The following KDR variants were observed in gnomAD, a reference collection of about 807,000 sequenced individuals.
KDR encodes kinase insert domain receptor, also known as vascular endothelial growth factor receptor 2.
KDR carries 43 observed loss-of-function variants against 160.9 expected under a neutral mutation model. The ratio of observed to expected loss-of-function variants is 0.27; its 90% CI spans 0.21 to 0.34. KDR has a LOEUF of 0.34. KDR is among the 10% of genes least tolerant of loss of function. The pLI is 1.00. For missense variants in KDR, 1,469 were observed against 1,666.4 expected, an observed-to-expected ratio of 0.88 and a Z score of 2.06; for synonymous variants, 617 against 600.1, an observed-to-expected ratio of 1.03 and a Z score of -0.41.
At chr4:55,094,717 C>T in intron 21 of KDR, 85 bp downstream of exon 21, 1 of 1,300,188 alleles carries the variant, frequency 7.7e-7, no homozygotes. Flanking sequence ...GGACTTTTCC[C>T]ATGATCAAAT....
At chr4:55,093,909 T>G (rs998645733) in intron 21 of KDR, among the ~76,000 whole-genome samples, 2 of 152,046 alleles carry the variant, frequency 1.3e-5, no homozygotes, top group African/African-American at 4.8e-5. Flanking sequence ...AGCACTAAAA[T>G]ATCACTCAGG....
chr4:55,087,493 T>C, intron 27 of KDR, 114 bp downstream of exon 27: 4 of 911,022 alleles, frequency 4.4e-6, no homozygotes, highest in Non-Finnish European at 6.9e-6. Flanking sequence ...GCTAAGGTTA[T>C]GTGGAAGTGG....
intron 9 of KDR, among the ~76,000 whole-genome samples, chr4:55,109,909 A>G (rs1720534341): frequency 1.3e-5 from 2 of 152,216 alleles, no homozygotes; most frequent in Admixed American, 6.5e-5. Flanking sequence ...CAAAAAGGAA[A>G]AAAGAAAAGC....
intron 9 of KDR, 44 bp downstream of exon 9, chr4:55,110,359 A>T (rs1309189287): frequency 6.3e-7 from 1 of 1,591,370 alleles, no homozygotes; most frequent in Admixed American, 1.7e-5. Flanking sequence ...AAGACAATGT[A>T]TCATAATAAA....
In KDR at chr4:55,080,259, C is replaced by T. The variant is rs557882167; in HGVS notation, c.3849-96G>A. 180 of 1,064,734 alleles carry T rather than the reference C, an allele frequency of 1.7e-4. No homozygotes were observed. In the African/African-American group the frequency reaches 2.5e-3, roughly 15 times the overall value. The allele number at this position is 1,064,734 out of a possible 1,614,324, so 66.0% of individuals were successfully genotyped here. ...ATTCCCAACTCCATATGGCTGCCAT[C>T]TCCCTGGAGACCGCAGCCCCGTATC... On this transcript the variant is annotated intron_variant, in intron 29 of 29. Transcript: ENST00000263923.
intron 3 of KDR, among the ~76,000 whole-genome samples, chr4:55,116,290 C>T (rs1365669391): frequency 6.6e-6 from 1 of 151,936 alleles, no homozygotes; most frequent in Admixed American, 6.6e-5. Context: ...TGATGGCACG[C>T]ACCTGTAGTC....
chr4:55,119,411 A>G (rs1720811666), intron 2 of KDR, among the ~76,000 whole-genome samples: 1 of 152,246 alleles, frequency 6.6e-6, no homozygotes, highest in South Asian at 2.1e-4. Context: ...AAATCAGACA[A>G]AAATCAATGC....
Position 55,118,586 on chromosome 4 carries a change from T to A in KDR, c.358+18A>T, listed in dbSNP as rs1720789234. 8 of 1,600,216 alleles carry A rather than the reference T, an allele frequency of 5.0e-6. No homozygotes were observed. Among genetic ancestry groups the A allele is most frequent in the Non-Finnish European group, 6.0e-6 (7 of 1,167,274 alleles). On this transcript the variant is annotated intron_variant, in intron 3 of 29. Coordinates refer to ENST00000263923, the MANE Select transcript of KDR (RefSeq NM_002253.4). Reference sequence around the variant, plus strand: ...CTGGTAAAGAGACGTGGGAAATGAATTTTATTTCACCACTTACCTTGAACA... The same window carrying A: ...CTGGTAAAGAGACGTGGGAAATGAAATTTATTTCACCACTTACCTTGAACA...
At chr4:55,092,555 G>T in intron 22 of KDR, 62 bp downstream of exon 22, 1 of 1,163,394 alleles carries the variant, frequency 8.6e-7, no homozygotes, top group Non-Finnish European at 1.3e-6. Flanking sequence ...GCTGACACTG[G>T]ACATCTTATT....
rs2110005867 is a variant in KDR at position 55,082,578 on chromosome 4, T to C, written c.3720A>G (p.Glu1240=). The change falls in exon 28 of 30, where the codon GAA becomes GAG. Residue 1240 remains glutamate, a synonymous_variant. Transcript: ENST00000263923. Reference sequence around the variant, plus strand: ...CTTCTGGTTCTTCTAACGGGATATCTTCAAATGTTTTTACACTCACAGGCC... The same window carrying C: ...CTTCTGGTTCTTCTAACGGGATATCCTCAAATGTTTTTACACTCACAGGCC... ...KSRPVSVKTF[E]DIPLEEPEVK... The C allele has an allele frequency of 1.2e-6, 2 of 1,613,974 alleles. No individual in the cohort carries two copies.
rs41449845 is a variant in KDR at position 55,121,056 on chromosome 4, T to G, written c.161+41A>C. 3.6e-3 allele frequency: 4,815 copies of G among 1,333,962 alleles called. 124 individuals carry two copies. The African/African-American group carries it at 0.057, about 16-fold the overall frequency. The allele number at this position is 1,333,962 out of a possible 1,614,324, so 82.6% of individuals were successfully genotyped here. On this transcript the variant is annotated intron_variant, in intron 2 of 29. Coordinates refer to ENST00000263923, the MANE Select transcript of KDR (RefSeq NM_002253.4). ...TTATTTCCACTCAATAAACAATCAG[T>G]TACTTAACACAAGAAATCTAGATCT...
At position 55,089,754 on chromosome 4, in the gene KDR, C is replaced by G. The variant is rs547143040; in HGVS notation, c.3241G>C (p.Val1081Leu). The G allele has an allele frequency of 3.7e-5, 60 of 1,614,176 alleles. No homozygotes were observed. In the South Asian group the frequency reaches 6.4e-4, roughly 17 times the overall value. The change falls in exon 24 of 30, where the codon GTG becomes CTG. Residue 1081 changes from valine (V) to leucine (L), a missense_variant. Val to Leu is a conservative substitution (Grantham distance 32). Coordinates refer to ENST00000263923, the MANE Select transcript of KDR (RefSeq NM_002253.4). ...WMAPETIFDR[V>L]YTIQSDVWSF... ...CAGACGTCACTCTGGATTGTGTACACTCTGTCAAAAATTGTTTCTGGGGCC... is the reference window on the plus strand; with the variant it reads ...CAGACGTCACTCTGGATTGTGTACAGTCTGTCAAAAATTGTTTCTGGGGCC...
intron 7 of KDR, 86 bp downstream of exon 7, chr4:55,113,218 C>A: frequency 7.1e-7 from 1 of 1,403,140 alleles, no homozygotes; most frequent in Admixed American, 1.7e-5. Flanking sequence ...TCTGAATGAA[C>A]AAAATAGGAA....
intron 26 of KDR, 122 bp from the exon 27 acceptor site, chr4:55,087,880 A>G: frequency 1.1e-6 from 1 of 877,604 alleles, no homozygotes; most frequent in Non-Finnish European, 1.9e-6. Flanking sequence ...ATATCTGAAC[A>G]TAGAACTTTA....
rs543201337 is a variant in KDR, at chr4:55,106,471, A to G, written c.1536+216T>C. 2.6e-5 allele frequency among the ~76,000 whole-genome samples: 4 copies of G among 152,328 alleles called. No homozygotes were observed. The East Asian group carries it at 7.7e-4, about 29-fold the overall frequency. On this transcript the variant is annotated intron_variant, in intron 11 of 29. Transcript: ENST00000263923. The stretch of plus-strand genomic sequence containing the variant: ...TCAGAATCACCCTACACAGATGCAT[A>G]GATTTAATGTCATAGATGTTTTTAT...
Position 55,105,941 on chromosome 4 carries a change from C to T in KDR, c.1537-1G>A. 6.2e-7 allele frequency: 1 copy of T among 1,603,204 alleles called. No homozygotes were observed. Among genetic ancestry groups the T allele is most frequent in the Non-Finnish European group, 8.5e-7 (1 of 1,170,218 alleles). ...CTTGGATAACAAGGGTACTTACAGT[C>T]TGTGCGGGGAAAAAACAAATCCCAG... is the stretch of plus-strand genomic sequence containing the variant. On this transcript the variant is annotated splice_acceptor_variant, in intron 11 of 29. Transcript: ENST00000263923. LOFTEE classifies it high-confidence loss of function.
chr4:55,104,679 T>G lies in KDR; in HGVS notation c.1951A>C (p.Lys651Gln). The G allele has an allele frequency of 1.9e-6, 3 of 1,613,782 alleles. No individual in the cohort carries two copies. The highest frequency in any genetic ancestry group is 2.5e-6 in the Non-Finnish European group (3 of 1,179,812). The change falls in exon 13 of 30, where the codon AAA becomes CAA. Residue 651 changes from lysine (K) to glutamine (Q), a missense_variant. By Grantham distance (53) the Lys-to-Gln change is moderately conservative. This residue lies in a region of KDR where 792 missense variants were observed against 840.9 expected (regional missense o/e 0.94). Coordinates refer to ENST00000263923, the MANE Select transcript of KDR (RefSeq NM_002253.4). ...AGCTGCCTGACCACGCAATGTCTTT[T>G]CTTGGTCTTCCTGTCTTGAGCAAGG... ...VCLAQDRKTK[K>Q]RHCVVRQLTV...
chr4:55,087,179 T>C (rs1360933800), intron 27 of KDR, among the ~76,000 whole-genome samples: 1 of 152,222 alleles, frequency 6.6e-6, no homozygotes, highest in Non-Finnish European at 1.5e-5. Context: ...GCTTTCTGTA[T>C]CCTTGCCAGA....
rs763179429 is a variant in KDR, at chr4:55,080,074, T to C, written c.3938A>G (p.Asp1313Gly). ...ACTGGAGTACACGGTGGTGTCTGTG[T>C]CATCGGAGTGATATCCGGACTGGTA... ...SGYQSGYHSD[D>G]TDTTVYSSEE... Residue 1313 changes from aspartate to glycine, a missense_variant, in exon 30 of 30, where the codon GAC (aspartate) becomes GGC (glycine). By Grantham distance (94) the Asp-to-Gly change is moderately conservative (BLOSUM62 -1). Coordinates refer to ENST00000263923, the MANE Select transcript of KDR (RefSeq NM_002253.4). 1.4e-5 allele frequency: 22 copies of C among 1,614,084 alleles called. No individual in the cohort carries two copies. The highest frequency in any genetic ancestry group is 1.9e-5 in the Non-Finnish European group (22 of 1,180,044).
Sources: gnomAD v4.1 joint callset for allele counts (sites outside exome capture counted in the v4.1 genomes callset) on GRCh38, gnomAD v4.1.1 for gene constraint, gnomAD v4.1.1 regional missense constraint, MANE v1.5 for transcripts, NCBI Gene and HGNC (gene_info 2026-07-23, HGNC 2026-07-21) for gene names.